Variants in MKLN1 observed in about 807,000 individuals in gnomAD.
MKLN1 encodes the protein muskelin.
Under a neutral mutation model 99.0 loss-of-function variants are expected in MKLN1, and 18 were observed. The ratio of observed to expected loss-of-function variants is 0.18; its 90% CI spans 0.13 to 0.27. MKLN1 has a LOEUF of 0.27. MKLN1 is among the 10% of genes least tolerant of loss of function. The pLI is 1.00. For synonymous variants in MKLN1, 288 were observed against 293.2 expected (o/e 0.98, Z 0.18); for missense variants, 621 against 875.9 (o/e 0.71, Z 3.67).
intron 2 of MKLN1, among the ~76,000 whole-genome samples, chr7:131,168,972 A>G (rs2116329750): frequency 6.6e-6 from 1 of 152,132 alleles, no homozygotes; most frequent in Middle Eastern, 3.4e-3. Context: ...GGTTCAAGCA[A>G]TTCGTGTGCC....
chr7:131,153,117 A>G (rs946157222), intron 2 of MKLN1, among the ~76,000 whole-genome samples: 1 of 148,230 alleles, frequency 6.7e-6, no homozygotes, highest in African/African-American at 2.5e-5. Flanking sequence ...TTCTTTTGTG[A>G]TGTTACCTAG....
chr7:131,177,396 AT>A (rs61570989), intron 2 of MKLN1, among the ~76,000 whole-genome samples: 151,204 of 151,204 alleles, frequency 1, 75,602 homozygotes, highest in Non-Finnish European at 1. Context: ...TGAACCTGGG[AT>A]TGCGGAGGTT....
intron 16 of MKLN1, among the ~76,000 whole-genome samples, chr7:131,474,734 A>G (rs1157149388): frequency 2.0e-5 from 3 of 152,192 alleles, no homozygotes; most frequent in Non-Finnish European, 4.4e-5. Flanking sequence ...AAATAAATTG[A>G]TAAACCCCAA....
chr7:131,219,139 T>G (rs140406326), intron 3 of MKLN1, among the ~76,000 whole-genome samples: 222 of 152,230 alleles, frequency 1.5e-3, no homozygotes, highest in South Asian at 2.5e-3. Flanking sequence ...TCCAACAATG[T>G]GAACACACTT....
intron 1 of MKLN1, among the ~76,000 whole-genome samples, chr7:131,133,595 G>A (rs1421935954): frequency 6.7e-6 from 1 of 150,248 alleles, no homozygotes; most frequent in Non-Finnish European, 1.5e-5. Context: ...CTCGTGATCC[G>A]CCCGCCTCGG....
intron 2 of MKLN1, among the ~76,000 whole-genome samples, chr7:131,152,543 G>T (rs1450242938): frequency 2.1e-5 from 3 of 145,638 alleles, no homozygotes; most frequent in African/African-American, 5.1e-5. Flanking sequence ...TCTGTCACCC[G>T]GGCTGGAGTG....
chr7:131,465,544 T>A (rs1014841433), intron 14 of MKLN1, among the ~76,000 whole-genome samples: 1 of 146,754 alleles, frequency 6.8e-6, no homozygotes, highest in East Asian at 2.0e-4. Context: ...GATGTTAAAA[T>A]TTTTTTTTTT....
At chr7:131,274,487 A>G (rs1332691808) in intron 3 of MKLN1, among the ~76,000 whole-genome samples, 2 of 151,852 alleles carry the variant, frequency 1.3e-5, no homozygotes, top group East Asian at 3.9e-4. Context: ...TACAAAAAAT[A>G]CAAAAATTAG....
At chr7:131,233,979 A>C (rs922366590) in intron 3 of MKLN1, among the ~76,000 whole-genome samples, 2 of 151,818 alleles carry the variant, frequency 1.3e-5, no homozygotes, top group African/African-American at 2.4e-5. Context: ...TTTTCTTTTT[A>C]TTTTATTTTA....
Position 131,111,992 on chromosome 7 carries a change from T to C in MKLN1, c.-419+1785T>C, listed in dbSNP as rs140152883. On this transcript the variant is annotated intron_variant, in intron 1 of 7. Coordinates refer to the MKLN1 transcript ENST00000416992. ...ATTGTCTTTTTTACCAATTCCTCTATGTCCCTGGACAAGACAACCTTGTTT... is the reference window on the plus strand; with the variant it reads ...ATTGTCTTTTTTACCAATTCCTCTACGTCCCTGGACAAGACAACCTTGTTT... Among the ~76,000 whole-genome samples, 80 of 152,378 alleles carry C rather than the reference T, an allele frequency of 5.3e-4. No individual in the cohort carries two copies. In the East Asian group the frequency reaches 0.013, roughly 25 times the overall value.
At chr7:131,120,944 A>G (rs1795359648) in intron 1 of MKLN1, among the ~76,000 whole-genome samples, 1 of 152,136 alleles carries the variant, frequency 6.6e-6, no homozygotes, top group African/African-American at 2.4e-5. Context: ...TCTGGTATCA[A>G]TTTTCTGTAT....
intron 2 of MKLN1, among the ~76,000 whole-genome samples, chr7:131,183,233 T>A (rs1361079908): frequency 2.0e-5 from 3 of 152,230 alleles, no homozygotes; most frequent in Non-Finnish European, 4.4e-5. Flanking sequence ...CAAAATACTT[T>A]CACAGACATT....
intron 1 of MKLN1, among the ~76,000 whole-genome samples, chr7:131,340,567 C>G (rs1799380324): frequency 6.6e-6 from 1 of 152,106 alleles, no homozygotes; most frequent in Non-Finnish European, 1.5e-5. Context: ...GCGTGAGCCA[C>G]CGTGCCCGGC....
chr7:131,228,487 G>C (rs1286800747), intron 3 of MKLN1, among the ~76,000 whole-genome samples: 1 of 152,212 alleles, frequency 6.6e-6, no homozygotes, highest in African/African-American at 2.4e-5. Context: ...GGATTTTGGA[G>C]TCAGGCAGAT....
At chr7:131,472,649 CTT>C (rs1796851043) in intron 16 of MKLN1, among the ~76,000 whole-genome samples, 1 of 151,666 alleles carries the variant, frequency 6.6e-6, no homozygotes, top group African/African-American at 2.4e-5. Context: ...ACCTTGGACA[CTT>C]TTTAAAACAA....
intron 3 of MKLN1, among the ~76,000 whole-genome samples, chr7:131,268,302 T>G (rs901637490): frequency 2.6e-5 from 4 of 152,174 alleles, no homozygotes; most frequent in African/African-American, 9.7e-5. Flanking sequence ...AGCCATGCAC[T>G]GAGACTCCAG....
chr7:131,448,456 T>C (rs937394008), intron 12 of MKLN1, among the ~76,000 whole-genome samples: 11 of 152,134 alleles, frequency 7.2e-5, no homozygotes, highest in Admixed American at 2.0e-4. Flanking sequence ...GTCATAAAAG[T>C]AAAAATATGC....
chr7:131,260,842 C>T (rs928652701), intron 3 of MKLN1, among the ~76,000 whole-genome samples: 7 of 152,170 alleles, frequency 4.6e-5, no homozygotes, highest in African/African-American at 1.7e-4. Flanking sequence ...GAAAGCTGCA[C>T]ACCTACAACC....
In MKLN1 at chr7:131,300,573, G is replaced by C. The variant is rs1261064743; in HGVS notation, c.-178-74851G>C. ...GTGGGGCACACCTGTAATAATCCCA[G>C]CTACTCCAGAGGCTAAGGCAGGAGA... On this transcript the variant is annotated intron_variant, in intron 3 of 7. Transcript: ENST00000416992. Among the ~76,000 whole-genome samples, 3 of 149,838 alleles carry C rather than the reference G, an allele frequency of 2.0e-5. No individual in the cohort carries two copies. The Admixed American group carries it at 2.0e-4, about 10-fold the overall frequency.
Sources: gnomAD v4.1 joint callset for allele counts (sites outside exome capture counted in the v4.1 genomes callset) on GRCh38, gnomAD v4.1.1 for gene constraint, MANE v1.5 for transcripts, NCBI Gene and HGNC (gene_info 2026-07-23, HGNC 2026-07-21) for gene names.